SMG1: variants seen among roughly 807,000 people sequenced by gnomAD.
SMG1 encodes SMG1 nonsense mediated mRNA decay associated PI3K related kinase, also known as serine/threonine-protein kinase SMG1.
A neutral mutation model predicts 419.9 loss-of-function variants in SMG1; 22 were observed. The observed-to-expected ratio is 0.05, with a 90% CI of 0.04 to 0.07. The LOEUF (loss-of-function observed/expected upper bound fraction) is 0.07. Ranked by LOEUF, SMG1 falls within the 10% of genes least tolerant of loss-of-function variation. The pLI, the probability that SMG1 is intolerant of heterozygous loss-of-function variation, is 1.00. For synonymous variants in SMG1, 1,538 were observed against 1,553.5 expected (o/e 0.99, Z 0.23); for missense variants, 3,185 against 4,342.0 (o/e 0.73, Z 7.49).
chr16:18,921,474 T>C (rs1019495199), intron 1 of SMG1, among the ~76,000 whole-genome samples: 5 of 152,224 alleles, frequency 3.3e-5, no homozygotes, highest in Non-Finnish European at 4.4e-5. Flanking sequence ...CATACACAAT[T>C]TGCTGAAATT....
At position 18,829,322 on chromosome 16, in the gene SMG1, G is replaced by C. The variant is rs1165780793; in HGVS notation, c.9567C>G (p.Ser3189Arg). ...LETSISSCKT[S>R]LQRVQLHIAM... ...CAATATGCAGCTGAACCCGCTGCAG[G>C]CTTGTCTTACAAGAAGAAATACTGG... The change falls in exon 54 of 63, where the codon AGC becomes AGG. Residue 3189 changes from serine (S) to arginine (R), a missense_variant. Around this residue, in one of 27 missense-constraint regions of SMG1, gnomAD observed 737 missense variants for 846.6 expected, o/e 0.87. Transcript: ENST00000446231. The C allele has an allele frequency of 6.2e-7, 1 of 1,613,860 alleles. No homozygotes were observed. The highest frequency in any genetic ancestry group is 1.1e-5 in the South Asian group (1 of 91,076).
chr16:18,809,708 T>A, intron 62 of SMG1, 62 bp from the exon 63 acceptor site: 1 of 1,303,550 alleles, frequency 7.7e-7, no homozygotes, highest in Non-Finnish European at 1.1e-6. Context: ...TCTGCTGAAT[T>A]ACAATCAGCA....
intron 1 of SMG1, among the ~76,000 whole-genome samples, chr16:18,924,365 A>G (rs1210261383): frequency 6.6e-6 from 1 of 152,162 alleles, no homozygotes; most frequent in East Asian, 1.9e-4. Context: ...TACAATTTAC[A>G]CTTTTCCAAA....
At chr16:18,881,811 T>C (rs1169164766) in intron 10 of SMG1, among the ~76,000 whole-genome samples, 1 of 152,196 alleles carries the variant, frequency 6.6e-6, no homozygotes, top group East Asian at 1.9e-4. Flanking sequence ...TCTGAGGCTT[T>C]TCCTATAGTG....
At chr16:18,838,741 C>T (rs1222061781) in intron 42 of SMG1, 52 bp from the exon 43 acceptor site, 1 of 1,209,664 alleles carries the variant, frequency 8.3e-7, no homozygotes, top group East Asian at 2.3e-5. Flanking sequence ...AGAAATTTCC[C>T]TCCAACATGG....
chr16:18,920,845 A>G (rs1424969653), intron 1 of SMG1, among the ~76,000 whole-genome samples: 1 of 151,628 alleles, frequency 6.6e-6, no homozygotes, highest in East Asian at 1.9e-4. Context: ...GTTTCAGAAA[A>G]AGAGAGAGGA....
In SMG1 at chr16:18,849,309, A is replaced by T; in HGVS notation, c.5531T>A (p.Leu1844His). The stretch of plus-strand genomic sequence containing the variant: ...GGAATCTTGAGCCACACGGCAGAGA[A>T]GGTTACAAATACTTTGGCGCACATA... Reference protein sequence around the residue: ...EVYVRQSICNLLCRVAQDSPH... With the variant: ...EVYVRQSICNHLCRVAQDSPH... The change falls in exon 36 of 63, where the codon CTT becomes CAT. Residue 1844 changes from leucine to histidine, a missense_variant. This residue lies in a region of SMG1 where 130 missense variants were observed against 162.0 expected (regional missense o/e 0.80). Transcript: ENST00000446231. The T allele has an allele frequency of 6.2e-7, 1 of 1,613,870 alleles. No homozygotes were observed. The highest frequency in any genetic ancestry group is 8.5e-7 in the Non-Finnish European group (1 of 1,179,814).
At chr16:18,866,304 A>C (rs1445321067) in intron 23 of SMG1, 2 of 384,164 alleles carry the variant, frequency 5.2e-6, no homozygotes, top group East Asian at 1.2e-4. Flanking sequence ...ATACTCTGAC[A>C]ATAAAGGGTA....
At chr16:18,910,968 A>G (rs1455161422) in intron 1 of SMG1, among the ~76,000 whole-genome samples, 32 of 152,208 alleles carry the variant, frequency 2.1e-4, no homozygotes, top group Admixed American at 2.1e-3. Flanking sequence ...TAAGCAAGCT[A>G]TAAGCTACCT....
chr16:18,918,472 G>C (rs1282195350), intron 1 of SMG1, among the ~76,000 whole-genome samples: 2 of 152,140 alleles, frequency 1.3e-5, no homozygotes, highest in African/African-American at 4.8e-5. Flanking sequence ...CAAATTCACA[G>C]TGAAAATTGT....
chr16:18,896,799 C>T lies in SMG1; in HGVS notation c.250G>A (p.Glu84Lys), dbSNP rs775797174. The change falls in exon 2 of 63, where the codon GAA (glutamate) becomes AAA (lysine). Residue 84 changes from glutamate to lysine, a missense_variant. Glu to Lys is a moderately conservative substitution (Grantham distance 56). Transcript: ENST00000446231. ...AATAAGAAAATATATATACCCTTTT[C>T]GTCATTCTGTATGTCAGCGTGGACT... The part of the protein sequence containing the change: ...TRVHADIQND[E>K]KGGYSVNGGS... 3.1e-6 allele frequency: 5 copies of T among 1,601,976 alleles called. No homozygotes were observed. The highest frequency in any genetic ancestry group is 2.2e-5 in the South Asian group (2 of 90,436).
rs1037433183 is a variant in SMG1, at chr16:18,837,655, T to C, written c.7414-212A>G. Among the ~76,000 whole-genome samples, 7 of 152,342 alleles carry C rather than the reference T, an allele frequency of 4.6e-5. No individual in the cohort carries two copies. The East Asian group carries it at 1.4e-3, about 29-fold the overall frequency. ...ATCTCATAATACCATGTATTAATAG[T>C]TGCCAATGTCACCCAGAACAAGACT... On this transcript the variant is annotated intron_variant, in intron 45 of 62. Transcript: ENST00000446231.
At chr16:18,895,235 C>T (rs148528032) in intron 3 of SMG1, among the ~76,000 whole-genome samples, 2,211 of 152,062 alleles carry the variant, frequency 0.015, 21 homozygotes, top group Non-Finnish European at 0.021. Context: ...CGGTGGCTCA[C>T]GCCTGTAATG....
Position 18,914,598 on chromosome 16 carries a change from C to A in SMG1, c.92+11352G>T, listed in dbSNP as rs558855149. ...ACTCAGGAGGCTGAGGTAGGAGAAT[C>A]ACTTGAACCCAGGCGGCAGAGTTTG... On this transcript the variant is annotated intron_variant, in intron 1 of 62. Transcript: ENST00000446231. 9.2e-5 allele frequency among the ~76,000 whole-genome samples: 14 copies of A among 152,230 alleles called. 1 individual carries two copies. Among genetic ancestry groups the A allele is most frequent in the Admixed American group, 5.9e-4 (9 of 15,300 alleles).
chr16:18,819,764 T>C (rs1430387729), intron 55 of SMG1, 110 bp from the exon 56 acceptor site: 3 of 1,127,930 alleles, frequency 2.7e-6, no homozygotes, highest in Non-Finnish European at 3.6e-6. Context: ...GGTGGACACA[T>C]GTAATTTAGA....
intron 60 of SMG1, among the ~76,000 whole-genome samples, chr16:18,813,062 T>A (rs1249903388): frequency 1.3e-5 from 2 of 152,078 alleles, no homozygotes; most frequent in East Asian, 1.9e-4. Context: ...CTTAATCCAG[T>A]CTATCATTGT....
chr16:18,864,124 T>A lies in SMG1; in HGVS notation c.3371A>T (p.Glu1124Val). 6.5e-7 allele frequency: 1 copy of A among 1,538,660 alleles called. No individual in the cohort carries two copies. The highest frequency in any genetic ancestry group is 2.5e-5 in the East Asian group (1 of 40,510). The change falls in exon 24 of 63, where the codon GAG becomes GTG. Residue 1124 changes from glutamate to valine, a missense_variant. Physicochemically the swap from Glu to Val is moderately radical, Grantham distance 121 (BLOSUM62 -2). This residue lies in a region of SMG1 where 121 missense variants were observed against 125.4 expected (regional missense o/e 0.96). Transcript: ENST00000446231. ...AEGRFEKASV[E>V]YQEHLCAMTG... ...CATGGCACACAGGTGTTCCTGGTAC[T>A]CCACAGAGGCCTTTTCAAACCTGAA...
chr16:18,901,722 C>T (rs545676221), intron 1 of SMG1, among the ~76,000 whole-genome samples: 1 of 152,112 alleles, frequency 6.6e-6, no homozygotes, highest in Non-Finnish European at 1.5e-5. Context: ...CACCTGTAAT[C>T]CCAGCACTTT....
At chr16:18,835,402 G>A (rs1340644839) in intron 48 of SMG1, among the ~76,000 whole-genome samples, 7 of 152,196 alleles carry the variant, frequency 4.6e-5, no homozygotes, top group Non-Finnish European at 7.3e-5. Context: ...CACTTTGGGA[G>A]GCCAAGGCAG....
Sources: allele counts gnomAD v4.1 joint callset (sites outside exome capture counted in the v4.1 genomes callset), GRCh38; gene constraint gnomAD v4.1.1; regional missense constraint gnomAD v4.1.1; transcripts MANE v1.5; gene names NCBI Gene and HGNC (gene_info 2026-07-23, HGNC 2026-07-21).